The following TEAD4 variants were observed in gnomAD, a reference collection of about 807,000 sequenced individuals.
TEAD4 encodes TEA domain transcription factor 4.
Under a neutral mutation model 52.4 loss-of-function variants are expected in TEAD4, and 36 were observed. The ratio of observed to expected loss-of-function variants is 0.69; its 90% CI spans 0.53 to 0.91. The LOEUF (loss-of-function observed/expected upper bound fraction) is 0.91, where lower values mean the gene tolerates loss of function less well. Ranked by LOEUF, TEAD4 falls within the 40% of genes least tolerant of loss-of-function variation. The probability of loss-of-function intolerance (pLI) is 0.00; values close to 1 mark genes in which losing one functional copy is unlikely to be tolerated. For synonymous variants in TEAD4, 220 were observed against 231.0 expected (o/e 0.95, Z 0.43); for missense variants, 508 against 583.9 (o/e 0.87, Z 1.34).
intron 2 of TEAD4, among the ~76,000 whole-genome samples, chr12:2,975,381 A>C (rs2098228785): frequency 6.8e-6 from 1 of 146,604 alleles, no homozygotes; most frequent in African/African-American, 2.6e-5. Context: ...TATTATTATT[A>C]TTATTATTAT....
At chr12:3,003,343 G>A (rs754600773) in intron 3 of TEAD4, among the ~76,000 whole-genome samples, 3 of 152,168 alleles carry the variant, frequency 2.0e-5, no homozygotes, top group Non-Finnish European at 4.4e-5. Context: ...TGAGTGGTGC[G>A]TGCTTTACTT....
intron 9 of TEAD4, among the ~76,000 whole-genome samples, 168 bp downstream of exon 9, chr12:3,020,941 A>C (rs2098268278): frequency 4.2e-5 from 6 of 144,084 alleles, no homozygotes; most frequent in South Asian, 2.3e-4. Context: ...CCTTCACGTC[A>C]CCCCTCTTCC....
intron 2 of TEAD4, among the ~76,000 whole-genome samples, chr12:2,976,153 G>A (rs1021724547): frequency 3.3e-5 from 5 of 151,788 alleles, no homozygotes; most frequent in Admixed American, 6.6e-5. Flanking sequence ...CTACAGGCAC[G>A]TGCCACCATG....
At chr12:3,025,625 C>T (rs2098271624) in intron 10 of TEAD4, among the ~76,000 whole-genome samples, 1 of 152,042 alleles carries the variant, frequency 6.6e-6, no homozygotes, top group Non-Finnish European at 1.5e-5. Context: ...CAACCTCCAC[C>T]TCCCAGGTTC....
chr12:3,012,131 T>C (rs1482748011), intron 4 of TEAD4, 39 bp from the exon 5 acceptor site: 4 of 1,608,814 alleles, frequency 2.5e-6, no homozygotes, highest in African/African-American at 2.7e-5. Context: ...ACACAGGTTG[T>C]TGGGAGGTAG....
intron 2 of TEAD4, among the ~76,000 whole-genome samples, chr12:2,970,928 G>A (rs1210510961): frequency 6.6e-6 from 1 of 152,224 alleles, no homozygotes; most frequent in Non-Finnish European, 1.5e-5. Context: ...TGCTGCTTAT[G>A]CAAGAGAAGA....
chr12:2,974,931 A>G lies in TEAD4; in HGVS notation c.-30+14891A>G, dbSNP rs571682021. On this transcript the variant is annotated intron_variant, in intron 2 of 12. Coordinates refer to ENST00000359864, the MANE Select transcript of TEAD4 (RefSeq NM_003213.4). ...CTTCTGTTAGTCACTCCCGGGCTAA[A>G]TCTATTAATATTTTCAGATCTGCAT... Among the ~76,000 whole-genome samples, 140 of 152,226 alleles carry G rather than the reference A, an allele frequency of 9.2e-4. 2 individuals are homozygous for G. Among genetic ancestry groups the G allele is most frequent in the African/African-American group, 3.3e-3 (138 of 41,530 alleles).
At chr12:2,996,521 C>T (rs2098247329) in intron 3 of TEAD4, among the ~76,000 whole-genome samples, 1 of 151,838 alleles carries the variant, frequency 6.6e-6, no homozygotes, top group Admixed American at 6.6e-5. Flanking sequence ...GCGATTCTCC[C>T]ACCTCAGCCT....
chr12:3,026,406 G>T (rs2098272112), intron 10 of TEAD4, among the ~76,000 whole-genome samples: 1 of 152,236 alleles, frequency 6.6e-6, no homozygotes, highest in Admixed American at 6.5e-5. Flanking sequence ...GGTAAAGACT[G>T]TCCAGTGCTG....
chr12:2,968,273 A>G (rs1466571872), intron 2 of TEAD4, among the ~76,000 whole-genome samples: 2 of 149,676 alleles, frequency 1.3e-5, no homozygotes, highest in African/African-American at 4.9e-5. Flanking sequence ...TTTAGTAAAG[A>G]TAGGGTTTTT....
chr12:3,001,051 C>T (rs767002125), intron 3 of TEAD4, among the ~76,000 whole-genome samples: 15 of 152,330 alleles, frequency 9.8e-5, no homozygotes, highest in Middle Eastern at 6.8e-3. Flanking sequence ...GGCCTACAAC[C>T]CTGACTTCAG....
chr12:2,969,747 G>A (rs1591553672), intron 2 of TEAD4, among the ~76,000 whole-genome samples: 2 of 152,208 alleles, frequency 1.3e-5, no homozygotes, highest in Non-Finnish European at 1.5e-5. Context: ...GAATTATTGC[G>A]TGGCTGCCAT....
At chr12:2,970,281 C>T (rs982010124) in intron 2 of TEAD4, among the ~76,000 whole-genome samples, 3 of 152,198 alleles carry the variant, frequency 2.0e-5, no homozygotes, top group South Asian at 2.1e-4. Flanking sequence ...TCAGTAACCA[C>T]GTGGGGCGAG....
rs78204390 is a variant in TEAD4 at position 3,005,835 on chromosome 12, A to G, written c.227-5169A>G. Among the ~76,000 whole-genome samples, 314 of 151,904 alleles carry G rather than the reference A, an allele frequency of 2.1e-3. 6 individuals carry two copies. In the East Asian group the frequency reaches 0.033, roughly 16 times the overall value. On this transcript the variant is annotated intron_variant, in intron 3 of 12. Transcript: ENST00000359864. ...TTTTTGTAGAGATGGAGTGGGTTTC[A>G]CTATGTTGCCCAGGCTGATCTTGAA...
chr12:2,984,994 C>T (rs371573487), intron 2 of TEAD4, among the ~76,000 whole-genome samples: 50 of 152,260 alleles, frequency 3.3e-4, no homozygotes, highest in African/African-American at 9.1e-4. Flanking sequence ...ACTTAGGCTA[C>T]GCTAAATGTA....
intron 2 of TEAD4, among the ~76,000 whole-genome samples, chr12:2,990,975 G>A (rs191742344): frequency 9.0e-4 from 137 of 152,288 alleles, no homozygotes; most frequent in African/African-American, 3.2e-3. Flanking sequence ...GCTTGAGGCT[G>A]GAAGTTCAAG....
In TEAD4 at chr12:2,994,742, A is replaced by G; in HGVS notation, c.-25A>G. 1 of 1,580,988 alleles carries G rather than the reference A, an allele frequency of 6.3e-7. No individual in the cohort carries two copies. The highest frequency in any genetic ancestry group is 2.2e-5 in the East Asian group (1 of 44,534). On this transcript the variant is annotated 5_prime_UTR_variant, in exon 3 of 13. Coordinates refer to ENST00000359864, the MANE Select transcript of TEAD4 (RefSeq NM_003213.4). This position sits in a 1 kb window ranked among gnomAD's most constrained non-coding sequence, Gnocchi z 4.7. ...CTGTGGTTCCTGTCCCCACAGGTCC[A>G]ACGAGCGCTCCTCCAAGCGGAGCCT...
At chr12:2,964,126 G>A (rs1190572113) in intron 2 of TEAD4, among the ~76,000 whole-genome samples, 2 of 152,180 alleles carry the variant, frequency 1.3e-5, no homozygotes, top group African/African-American at 4.8e-5. Flanking sequence ...AAAGGGGGCC[G>A]TTGACTCAGT....
rs2098281905 is a variant in TEAD4, at chr12:3,040,260, G to A, written c.1191+1G>A. 6.2e-7 allele frequency: 1 copy of A among 1,614,068 alleles called. No individual in the cohort carries two copies. The highest frequency in any genetic ancestry group is 8.5e-7 in the Non-Finnish European group (1 of 1,180,024). ...GCTGGAGAACTTCACCATCCTGCAG[G>A]TGTGCGGCGGGTGCTGCGGGTGTGG... On this transcript the variant is annotated splice_donor_variant, in intron 12 of 12. Transcript: ENST00000359864. LOFTEE classifies it high-confidence loss of function.
Sources: allele counts gnomAD v4.1 joint callset (sites outside exome capture counted in the v4.1 genomes callset), GRCh38; gene constraint gnomAD v4.1.1; non-coding constraint Gnocchi (gnomAD v3.1); transcripts MANE v1.5; gene names NCBI Gene and HGNC (gene_info 2026-07-23, HGNC 2026-07-21).